The following RPTOR variants were observed in gnomAD, a reference collection of about 807,000 sequenced individuals.
RPTOR encodes the protein regulatory associated protein of MTOR complex 1.
RPTOR carries 21 observed loss-of-function variants against 169.9 expected under a neutral mutation model. The ratio of observed to expected loss-of-function variants is 0.12; its 90% CI spans 0.09 to 0.18. The LOEUF is 0.18. Among genes scored for constraint, RPTOR ranks in the 10% least tolerant of loss-of-function variants. The probability of loss-of-function intolerance (pLI) is 1.00; values close to 1 mark genes in which losing one functional copy is unlikely to be tolerated. For missense variants in RPTOR, 1,133 were observed against 1,855.9 expected (o/e 0.61, Z 7.16); for synonymous variants, 732 against 753.2 (o/e 0.97, Z 0.46).
intron 24 of RPTOR, among the ~76,000 whole-genome samples, chr17:80,940,186 AC>A (rs528496779): frequency 1.7e-4 from 19 of 112,572 alleles, no homozygotes; most frequent in Non-Finnish European, 2.9e-4. Flanking sequence ...GGATAAAAAA[AC>A]AAATGTAAAT....
intron 19 of RPTOR, among the ~76,000 whole-genome samples, chr17:80,893,323 C>T (rs2077148): frequency 0.27 from 33,268 of 122,048 alleles, 3,688 homozygotes; most frequent in South Asian, 0.46. Context: ...CAGGTGTGTG[C>T]GCGCGCCAGG....
At position 80,853,580 on chromosome 17, in the gene RPTOR, TG is replaced by T. The variant is rs202228345; in HGVS notation, c.1315-1880del. Among the ~76,000 whole-genome samples the T allele has an allele frequency of 9.0e-3, 1,376 of 152,320 alleles. 9 individuals are homozygous for T. Among genetic ancestry groups the T allele is most frequent in the Admixed American group, 0.014 (210 of 15,306 alleles). On this transcript the variant is annotated intron_variant, in intron 11 of 33. Transcript: ENST00000306801. Reference sequence around the variant, plus strand: ...GCCCCATAAACACCCCTTGGATGACTGGGGCATCGTGGATAGAAATGCTGTA... The same window carrying T: ...GCCCCATAAACACCCCTTGGATGACTGGGCATCGTGGATAGAAATGCTGTA...
intron 10 of RPTOR, among the ~76,000 whole-genome samples, chr17:80,840,934 A>G (rs1368150917): frequency 1.0e-4 from 10 of 99,048 alleles, no homozygotes; most frequent in African/African-American, 1.6e-4. Flanking sequence ...ACGGCAGCTC[A>G]CTCTCTCTGC....
chr17:80,961,567 G>A, intron 31 of RPTOR, 87 bp downstream of exon 31: 2 of 1,378,040 alleles, frequency 1.5e-6, no homozygotes, highest in Non-Finnish European at 2.0e-6. Context: ...TATTTAAACA[G>A]CTGGAAGGGG....
At chr17:80,925,298 T>C (rs527738847) in intron 23 of RPTOR, 72 bp from the exon 24 acceptor site, 2 of 1,357,396 alleles carry the variant, frequency 1.5e-6, no homozygotes, top group South Asian at 2.4e-5. Context: ...GCTGCAGCTC[T>C]TTTGAGCTCA....
At chr17:80,645,634 T>C (rs1007850) in intron 3 of RPTOR, among the ~76,000 whole-genome samples, 97,197 of 152,080 alleles carry the variant, frequency 0.64, 31,519 homozygotes, top group African/African-American at 0.75. Context: ...ATCAGCTAGT[T>C]GATGCTAGCT....
intron 9 of RPTOR, among the ~76,000 whole-genome samples, chr17:80,827,869 C>T (rs960456075): frequency 1.2e-4 from 18 of 152,302 alleles, no homozygotes; most frequent in South Asian, 6.2e-4. Context: ...CAGGTACTGC[C>T]GCAAAGCTAC....
intron 6 of RPTOR, among the ~76,000 whole-genome samples, chr17:80,759,016 T>C (rs2066708639): frequency 6.6e-6 from 1 of 151,576 alleles, no homozygotes; most frequent in South Asian, 2.1e-4. Context: ...TTTTCTGCCA[T>C]GAGTGGGAAG....
Position 80,820,726 on chromosome 17 carries a change from G to A in RPTOR, c.891-1475G>A, listed in dbSNP as rs561954592. ...GAGCAGACTGGGGAGAAGGAGGAGGGGCTGAGACGAGTCTCTGCTGTCCTT... is the reference window on the plus strand; with the variant it reads ...GAGCAGACTGGGGAGAAGGAGGAGGAGCTGAGACGAGTCTCTGCTGTCCTT... On this transcript the variant is annotated intron_variant, in intron 7 of 33. Transcript: ENST00000306801. This position sits in a 1 kb window ranked among gnomAD's most constrained non-coding sequence, Gnocchi z 4.1. 7.9e-5 allele frequency among the ~76,000 whole-genome samples: 12 copies of A among 152,306 alleles called. No homozygotes were observed. Among genetic ancestry groups the A allele is most frequent in the African/African-American group, 2.9e-4 (12 of 41,558 alleles).
rs149567133 is a variant in RPTOR at position 80,777,179 on chromosome 17, G to T, written c.831-14271G>T. Among the ~76,000 whole-genome samples, 1,159 of 151,632 alleles carry T rather than the reference G, an allele frequency of 7.6e-3. 13 individuals are homozygous for T. Among genetic ancestry groups the T allele is most frequent in the African/African-American group, 0.026 (1,073 of 41,294 alleles). On this transcript the variant is annotated intron_variant, in intron 6 of 33. Coordinates refer to ENST00000306801, the MANE Select transcript of RPTOR (RefSeq NM_020761.3). The stretch of plus-strand genomic sequence containing the variant: ...TTGAACCAGGGAGTCGGAGGTTGCA[G>T]TGAACCAAGATGGCATCATTGCACT...
At chr17:80,661,182 G>A (rs1201449706) in intron 3 of RPTOR, among the ~76,000 whole-genome samples, 4 of 152,218 alleles carry the variant, frequency 2.6e-5, no homozygotes, top group Non-Finnish European at 4.4e-5. Flanking sequence ...TAGGGTGTAA[G>A]CGTGGCTGAC....
chr17:80,889,678 T>C (rs2068292022), intron 17 of RPTOR, among the ~76,000 whole-genome samples: 1 of 152,192 alleles, frequency 6.6e-6, no homozygotes, highest in Non-Finnish European at 1.5e-5. Context: ...GTGTGTGTGT[T>C]GCTGTCAGAG....
At chr17:80,744,897 ACT>A (rs2066553291) in intron 5 of RPTOR, among the ~76,000 whole-genome samples, 1 of 146,198 alleles carries the variant, frequency 6.8e-6, no homozygotes, top group Non-Finnish European at 1.5e-5. Context: ...GGCTACTAGC[ACT>A]GTCCTGGCTA....
At chr17:80,685,627 A>ATATATATTTTTT (rs1269766086) in intron 3 of RPTOR, among the ~76,000 whole-genome samples, 1 of 30,674 alleles carries the variant, frequency 3.3e-5, no homozygotes, top group Non-Finnish European at 5.4e-5. Flanking sequence ...ATATATATAT[A>ATATATATTTTTT]TTTTTTTTTT....
chr17:80,870,087 G>A (rs78408695), intron 13 of RPTOR, among the ~76,000 whole-genome samples: 2 of 152,116 alleles, frequency 1.3e-5, no homozygotes, highest in Non-Finnish European at 2.9e-5. Flanking sequence ...CGTAGGCAAG[G>A]TTCCAGTTAA....
intron 3 of RPTOR, among the ~76,000 whole-genome samples, chr17:80,644,026 A>G (rs2065573500): frequency 1.3e-5 from 2 of 152,254 alleles, no homozygotes. Context: ...TGAGTCTTGC[A>G]TTGGACAGTC....
intron 21 of RPTOR, among the ~76,000 whole-genome samples, chr17:80,917,410 G>A (rs781504915): frequency 6.6e-6 from 1 of 152,094 alleles, no homozygotes; most frequent in East Asian, 1.9e-4. Flanking sequence ...CACTGCACCC[G>A]GCCATGGATA....
intron 21 of RPTOR, among the ~76,000 whole-genome samples, chr17:80,918,445 A>AGCCATAGCCACGAGCACCCTCGCGGGG (rs2068701907): frequency 1.2e-5 from 1 of 84,394 alleles, no homozygotes; most frequent in Non-Finnish European, 2.5e-5. Flanking sequence ...CCCTCGCCGG[A>AGCCATAGCCACGAGCACCCTCGCGGGG]GTCATAGCCA....
intron 1 of RPTOR, among the ~76,000 whole-genome samples, chr17:80,582,631 C>T (rs989808142): frequency 6.7e-5 from 10 of 149,832 alleles, no homozygotes; most frequent in East Asian, 4.0e-4. Context: ...CTGCAACCTC[C>T]GTCTCCTGGG....
Sources: allele counts gnomAD v4.1 joint callset (sites outside exome capture counted in the v4.1 genomes callset), GRCh38; gene constraint gnomAD v4.1.1; non-coding constraint Gnocchi (gnomAD v3.1); transcripts MANE v1.5; gene names NCBI Gene and HGNC (gene_info 2026-07-23, HGNC 2026-07-21).